The following TLE4 variants were observed in gnomAD, a reference collection of about 807,000 sequenced individuals.
TLE4 encodes the protein TLE family member 4, transcriptional corepressor, also known as transducin-like enhancer protein 4.
TLE4 carries 8 observed loss-of-function variants against 92.8 expected under a neutral mutation model. The observed-to-expected ratio is 0.09, with a 90% CI of 0.05 to 0.16. The LOEUF (loss-of-function observed/expected upper bound fraction) is 0.16, where lower values mean the gene tolerates loss of function less well. Ranked by LOEUF, TLE4 falls within the 10% of genes least tolerant of loss-of-function variation. The pLI, the probability that TLE4 is intolerant of heterozygous loss-of-function variation, is 1.00. For synonymous variants in TLE4, 371 were observed against 374.1 expected (o/e 0.99, Z 0.10); for missense variants, 675 against 997.6 (o/e 0.68, Z 4.36).
At chr9:79,669,057 G>A (rs2061845985) in intron 8 of TLE4, among the ~76,000 whole-genome samples, 1 of 152,144 alleles carries the variant, frequency 6.6e-6, no homozygotes, top group Non-Finnish European at 1.5e-5. Flanking sequence ...ATTTGTGCAT[G>A]TATTTTCCCT....
chr9:79,617,131 A>G (rs1043379141), intron 5 of TLE4, among the ~76,000 whole-genome samples: 1 of 152,212 alleles, frequency 6.6e-6, no homozygotes, highest in African/African-American at 2.4e-5. Flanking sequence ...GTTCAAGGTA[A>G]TATTTCAAAC....
chr9:79,720,621 A>G (rs2075468644), intron 16 of TLE4, among the ~76,000 whole-genome samples: 1 of 152,154 alleles, frequency 6.6e-6, no homozygotes, highest in African/African-American at 2.4e-5. Context: ...GACATAATTA[A>G]TGTACATAAA....
chr9:79,665,588 A>T (rs1337425316), intron 8 of TLE4, among the ~76,000 whole-genome samples: 3 of 152,254 alleles, frequency 2.0e-5, no homozygotes, highest in African/African-American at 7.2e-5. Context: ...GCATGCAAAC[A>T]TGAACCTTTA....
chr9:79,591,699 C>T (rs955243054), intron 4 of TLE4, among the ~76,000 whole-genome samples: 2 of 152,108 alleles, frequency 1.3e-5, no homozygotes, highest in African/African-American at 4.8e-5. Flanking sequence ...ATCCCTATGA[C>T]TTGACATTTC....
At position 79,654,733 on chromosome 9, in the gene TLE4, G is replaced by T. The variant is rs113016099; in HGVS notation, c.609+658G>T. On this transcript the variant is annotated intron_variant, in intron 8 of 19. Coordinates refer to ENST00000376552, the MANE Select transcript of TLE4 (RefSeq NM_007005.6). The stretch of plus-strand genomic sequence containing the variant: ...TGCTTCTATACCTCCAGAATGGGAT[G>T]TGCTAAGGATACCTGAAGTTATTTA... 2.6e-3 allele frequency among the ~76,000 whole-genome samples: 400 copies of T among 152,306 alleles called. 2 individuals carry two copies. Among genetic ancestry groups the T allele is most frequent in the African/African-American group, 9.2e-3 (383 of 41,572 alleles).
chr9:79,650,064 C>T (rs188765785), intron 6 of TLE4, among the ~76,000 whole-genome samples: 2 of 151,872 alleles, frequency 1.3e-5, no homozygotes, highest in Admixed American at 6.5e-5. Context: ...TACAGATGTG[C>T]GCCACCATGC....
intron 5 of TLE4, among the ~76,000 whole-genome samples, chr9:79,617,905 T>A (rs1171491402): frequency 1.3e-5 from 2 of 152,168 alleles, no homozygotes; most frequent in Non-Finnish European, 2.9e-5. Context: ...CTATAGCTAA[T>A]TTGGTGACTC....
chr9:79,611,333 C>T (rs1306933939), intron 4 of TLE4, among the ~76,000 whole-genome samples: 1 of 152,030 alleles, frequency 6.6e-6, no homozygotes, highest in East Asian at 1.9e-4. Flanking sequence ...GGTTTTTGTC[C>T]ATACTGTTAG....
intron 8 of TLE4, among the ~76,000 whole-genome samples, chr9:79,697,111 A>G (rs777174848): frequency 2.0e-5 from 3 of 152,218 alleles, no homozygotes; most frequent in Non-Finnish European, 2.9e-5. Flanking sequence ...CAGAGTTAGC[A>G]TACAAGATTT....
intron 8 of TLE4, 146 bp downstream of exon 8, chr9:79,654,221 G>A: frequency 1.4e-6 from 1 of 718,932 alleles, no homozygotes; most frequent in Non-Finnish European, 2.2e-6. Flanking sequence ...ACTTTCAGGT[G>A]TGTGGTTGAT....
At chr9:79,705,822 C>T (rs761645755) in intron 9 of TLE4, 67 bp from the exon 10 acceptor site, 8 of 1,497,194 alleles carry the variant, frequency 5.3e-6, no homozygotes, top group South Asian at 1.1e-5. Context: ...TTAGTCTGGA[C>T]TTACTTAGGG....
intron 5 of TLE4, among the ~76,000 whole-genome samples, chr9:79,625,085 T>A (rs1258731358): frequency 1.5e-5 from 2 of 129,620 alleles, no homozygotes; most frequent in African/African-American, 2.9e-5. Flanking sequence ...AGTGGCGGGA[T>A]CTCGGCTCAC....
intron 8 of TLE4, chr9:79,693,752 C>A: frequency 2.4e-6 from 1 of 423,386 alleles, no homozygotes; most frequent in Non-Finnish European, 4.6e-6. Flanking sequence ...TCATGTCCTT[C>A]GAACCATATT....
At chr9:79,625,308 C>T (rs1487864524) in intron 5 of TLE4, among the ~76,000 whole-genome samples, 2 of 151,980 alleles carry the variant, frequency 1.3e-5, no homozygotes, top group African/African-American at 2.4e-5. Context: ...CGTGAGCCAC[C>T]GCGCCCGGCC....
intron 5 of TLE4, among the ~76,000 whole-genome samples, chr9:79,618,673 T>G (rs575291696): frequency 2.7e-4 from 41 of 152,264 alleles, no homozygotes; most frequent in Non-Finnish European, 2.4e-4. Flanking sequence ...TGGTGGTGGT[T>G]GTTTTTTGAG....
At chr9:79,582,761 T>A (rs1404350271) in intron 4 of TLE4, among the ~76,000 whole-genome samples, 1 of 151,844 alleles carries the variant, frequency 6.6e-6, no homozygotes, top group Admixed American at 6.6e-5. Flanking sequence ...AGAAGGCACT[T>A]TCTTGATCCC....
At chr9:79,722,709 T>G in intron 18 of TLE4, 108 bp downstream of exon 18, 2 of 1,365,788 alleles carry the variant, frequency 1.5e-6, no homozygotes, top group Non-Finnish European at 2.0e-6. Flanking sequence ...ATGCCCCTCT[T>G]CAGAATTCTA....
intron 8 of TLE4, chr9:79,671,383 C>G (rs756495429): frequency 5.1e-6 from 2 of 395,010 alleles, no homozygotes; most frequent in African/African-American, 2.1e-5. Context: ...ACGAGTGGCC[C>G]GAGGACTGTG....
intron 4 of TLE4, among the ~76,000 whole-genome samples, chr9:79,589,543 A>G (rs1231902262): frequency 6.6e-6 from 1 of 152,050 alleles, no homozygotes; most frequent in Non-Finnish European, 1.5e-5. Flanking sequence ...ACTACTGCGC[A>G]AGGCAGAAGA....
Sources: allele counts gnomAD v4.1 joint callset (sites outside exome capture counted in the v4.1 genomes callset), GRCh38; gene constraint gnomAD v4.1.1; transcripts MANE v1.5; gene names NCBI Gene and HGNC (gene_info 2026-07-23, HGNC 2026-07-21).